The following PSD3 variants were observed in gnomAD, a reference collection of about 807,000 sequenced individuals.
The protein encoded by PSD3 is pleckstrin and Sec7 domain containing 3, also known as PH and SEC7 domain-containing protein 3.
Under a neutral mutation model 105.5 loss-of-function variants are expected in PSD3, and 49 were observed. The observed-to-expected ratio is 0.46, with a 90% CI of 0.37 to 0.59. The LOEUF is 0.59. PSD3 is among the 20% of genes least tolerant of loss of function. The pLI, the probability that PSD3 is intolerant of heterozygous loss-of-function variation, is 0.00. For missense variants in PSD3, 1,561 were observed against 1,263.8 expected (o/e 1.24, Z -3.57); for synonymous variants, 557 against 457.8 (o/e 1.22, Z -2.77).
chr8:18,999,029 A>G (rs548921936), intron 1 of PSD3, among the ~76,000 whole-genome samples: 11 of 152,118 alleles, frequency 7.2e-5, no homozygotes, highest in African/African-American at 2.7e-4. Context: ...TAATCTCAGC[A>G]AACATTTTAG....
intron 1 of PSD3, among the ~76,000 whole-genome samples, chr8:19,062,782 GATTAGC>G (rs1191005009): frequency 6.6e-6 from 1 of 152,170 alleles, no homozygotes; most frequent in African/African-American, 2.4e-5. Context: ...AAATCAGGTA[GATTAGC>G]ATGCATTTCA....
chr8:18,687,772 G>C (rs190180646), intron 9 of PSD3, among the ~76,000 whole-genome samples: 26 of 152,006 alleles, frequency 1.7e-4, no homozygotes, highest in Admixed American at 4.6e-4. Context: ...ATATATTTTT[G>C]CTATTTTTTT....
chr8:18,703,470 G>A (rs1801709185), intron 9 of PSD3, among the ~76,000 whole-genome samples: 1 of 152,208 alleles, frequency 6.6e-6, no homozygotes. Flanking sequence ...AGGGGATCAA[G>A]CATTTACTTT....
chr8:18,898,798 T>C (rs1009908682), intron 2 of PSD3, among the ~76,000 whole-genome samples: 9 of 152,132 alleles, frequency 5.9e-5, no homozygotes, highest in Admixed American at 5.2e-4. Context: ...CAATTTCTCA[T>C]TGAATAAGCT....
intron 2 of PSD3, among the ~76,000 whole-genome samples, chr8:18,897,877 G>A (rs1181451750): frequency 1.3e-5 from 2 of 152,060 alleles, no homozygotes; most frequent in Admixed American, 1.3e-4. Context: ...TACTGAATTA[G>A]ACGGTCAGTT....
intron 2 of PSD3, among the ~76,000 whole-genome samples, chr8:18,908,795 T>A (rs6997878): frequency 6.6e-6 from 1 of 152,288 alleles, no homozygotes; most frequent in Admixed American, 6.5e-5. Flanking sequence ...CAATATTGGG[T>A]ACACAGCAAA....
chr8:18,686,103 A>T (rs1182603766), intron 9 of PSD3, among the ~76,000 whole-genome samples: 1 of 152,230 alleles, frequency 6.6e-6, no homozygotes, highest in African/African-American at 2.4e-5. Context: ...AATCTGATAC[A>T]TGTCATTTCT....
chr8:18,943,237 T>C (rs1238375196), intron 1 of PSD3, among the ~76,000 whole-genome samples: 2 of 152,174 alleles, frequency 1.3e-5, no homozygotes, highest in South Asian at 2.1e-4. Context: ...GTTTTAAAGA[T>C]TCAAGTTCTA....
At chr8:19,058,452 T>C (rs1284339321) in intron 1 of PSD3, among the ~76,000 whole-genome samples, 1 of 148,356 alleles carries the variant, frequency 6.7e-6, no homozygotes, top group Non-Finnish European at 1.5e-5. Context: ...TAATATATAA[T>C]ATATAATAGC....
rs1803397519 is a variant in PSD3, at chr8:18,588,956, A to G, written c.2481+11408T>C. Among the ~76,000 whole-genome samples, 4 of 152,222 alleles carry G rather than the reference A, an allele frequency of 2.6e-5. 1 individual carries two copies. The highest frequency in any genetic ancestry group is 2.6e-4 in the Admixed American group (4 of 15,272). On this transcript the variant is annotated intron_variant, in intron 12 of 15. Transcript: ENST00000327040. Reference sequence around the variant, plus strand: ...GTGGAAATCCGGTGGCTAGGTATTCAGAGAAACGGTTTTGCCAAAGGCAGC... The same window carrying G: ...GTGGAAATCCGGTGGCTAGGTATTCGGAGAAACGGTTTTGCCAAAGGCAGC...
At chr8:18,723,617 C>A (rs989675325) in intron 9 of PSD3, among the ~76,000 whole-genome samples, 4 of 152,170 alleles carry the variant, frequency 2.6e-5, no homozygotes, top group African/African-American at 9.7e-5. Context: ...ATCTCCAGTA[C>A]CATCTCTCCC....
intron 1 of PSD3, among the ~76,000 whole-genome samples, chr8:19,054,976 C>G (rs2129477319): frequency 6.6e-6 from 1 of 152,172 alleles, no homozygotes; most frequent in South Asian, 2.1e-4. Context: ...CCTGTTCACC[C>G]CTGTACAGGT....
chr8:18,647,993 G>A (rs1391385138), intron 10 of PSD3, among the ~76,000 whole-genome samples: 2 of 152,150 alleles, frequency 1.3e-5, no homozygotes, highest in Admixed American at 6.5e-5. Context: ...CCAGCACCAC[G>A]CTTCCTGTGT....
intron 4 of PSD3, among the ~76,000 whole-genome samples, chr8:18,820,566 TGTTAATA>T (rs1812611057): frequency 1.3e-5 from 2 of 152,226 alleles, no homozygotes; most frequent in Non-Finnish European, 2.9e-5. Flanking sequence ...GTAAATGCTA[TGTTAATA>T]GTTGTTATAC....
chr8:19,035,939 G>C (rs1433087392), intron 1 of PSD3, among the ~76,000 whole-genome samples: 2 of 151,984 alleles, frequency 1.3e-5, no homozygotes. Flanking sequence ...ATTTTTAGTA[G>C]AGACAGGGTT....
intron 9 of PSD3, among the ~76,000 whole-genome samples, chr8:18,753,999 C>T (rs1364276925): frequency 6.6e-6 from 1 of 152,198 alleles, no homozygotes; most frequent in Non-Finnish European, 1.5e-5. Context: ...TCACTTCTTG[C>T]TACTGCCCCT....
chr8:18,620,343 T>TG (rs1806017980), intron 11 of PSD3, among the ~76,000 whole-genome samples: 1 of 75,396 alleles, frequency 1.3e-5, no homozygotes, highest in African/African-American at 6.5e-5. Flanking sequence ...TGGGTTTGTG[T>TG]TTTTTTTTTT....
intron 10 of PSD3, among the ~76,000 whole-genome samples, chr8:18,644,762 G>A (rs552937440): frequency 4.6e-5 from 7 of 152,152 alleles, no homozygotes; most frequent in African/African-American, 1.7e-4. Flanking sequence ...TCAGCTTATT[G>A]TTATAGCAAC....
intron 1 of PSD3, among the ~76,000 whole-genome samples, chr8:19,068,271 C>T (rs906479447): frequency 2.0e-5 from 3 of 151,312 alleles, no homozygotes; most frequent in Admixed American, 6.6e-5. Flanking sequence ...CCTTTCTTCT[C>T]GCTCTACTCT....
Sources: allele counts gnomAD v4.1 joint callset (sites outside exome capture counted in the v4.1 genomes callset), GRCh38; gene constraint gnomAD v4.1.1; transcripts MANE v1.5; gene names NCBI Gene and HGNC (gene_info 2026-07-23, HGNC 2026-07-21).